GAREM1: variants seen among roughly 807,000 people sequenced by gnomAD.
GAREM1 encodes the protein GRB2 associated regulator of MAPK1 subtype 1.
Under a neutral mutation model 71.3 loss-of-function variants are expected in GAREM1, and 26 were observed. The observed-to-expected ratio is 0.36, with a 90% CI of 0.27 to 0.51. GAREM1 has a LOEUF of 0.51. Ranked by LOEUF, GAREM1 falls within the 20% of genes least tolerant of loss-of-function variation. The pLI is 0.95. For missense variants in GAREM1, 1,026 were observed against 1,103.1 expected, an observed-to-expected ratio of 0.93 and a Z score of 0.99; for synonymous variants, 440 against 433.2, an observed-to-expected ratio of 1.02 and a Z score of -0.20.
chr18:32,357,425 T>A (rs568643146), intron 2 of GAREM1, among the ~76,000 whole-genome samples: 2 of 152,230 alleles, frequency 1.3e-5, no homozygotes, highest in Non-Finnish European at 2.9e-5. Context: ...TTTATCTCAA[T>A]GTGCAAGTGC....
At chr18:32,284,923 G>T (rs1336563656) in intron 4 of GAREM1, among the ~76,000 whole-genome samples, 4 of 151,888 alleles carry the variant, frequency 2.6e-5, no homozygotes, top group Non-Finnish European at 4.4e-5. Flanking sequence ...CTAATTTGTT[G>T]TATTTTTAGT....
chr18:32,396,916 G>T (rs552858769), intron 1 of GAREM1, among the ~76,000 whole-genome samples: 15 of 152,268 alleles, frequency 9.9e-5, no homozygotes, highest in South Asian at 8.3e-4. Flanking sequence ...GAAAGGTCGG[G>T]TTATCCACAA....
intron 2 of GAREM1, among the ~76,000 whole-genome samples, chr18:32,366,134 C>A (rs1281080991): frequency 6.6e-6 from 1 of 152,136 alleles, no homozygotes; most frequent in African/African-American, 2.4e-5. Flanking sequence ...CCTCCCCTCA[C>A]TCCACCCTGC....
At chr18:32,399,470 A>G (rs1041990018) in intron 1 of GAREM1, among the ~76,000 whole-genome samples, 9 of 152,256 alleles carry the variant, frequency 5.9e-5, no homozygotes, top group Non-Finnish European at 1.2e-4. Flanking sequence ...CAACTTCAGC[A>G]AAGTCTCAGG....
chr18:32,437,316 C>T (rs2048689647), intron 1 of GAREM1, among the ~76,000 whole-genome samples: 1 of 152,190 alleles, frequency 6.6e-6, no homozygotes. Flanking sequence ...GGGATGGCAT[C>T]ATCTCAGGGC....
At chr18:32,396,854 T>A (rs2048262581) in intron 1 of GAREM1, among the ~76,000 whole-genome samples, 1 of 151,884 alleles carries the variant, frequency 6.6e-6, no homozygotes, top group African/African-American at 2.4e-5. Context: ...CACATAACTG[T>A]CAGATTCACC....
chr18:32,351,094 C>T (rs1380239595), intron 2 of GAREM1, among the ~76,000 whole-genome samples: 2 of 152,112 alleles, frequency 1.3e-5, no homozygotes, highest in Admixed American at 1.3e-4. Flanking sequence ...GTATGGTGTA[C>T]TGGTGTATTT....
chr18:32,426,665 C>A (rs1487939962), intron 1 of GAREM1, among the ~76,000 whole-genome samples: 1 of 152,180 alleles, frequency 6.6e-6, no homozygotes, highest in Admixed American at 6.5e-5. Flanking sequence ...ATTCAATCAA[C>A]TCCACCAATT....
At chr18:32,371,765 G>A (rs956719147) in intron 2 of GAREM1, among the ~76,000 whole-genome samples, 4 of 152,120 alleles carry the variant, frequency 2.6e-5, no homozygotes, top group Non-Finnish European at 5.9e-5. Flanking sequence ...AGAGCTCAGA[G>A]GAAAACTAGG....
At chr18:32,423,851 G>A (rs1568006071) in intron 1 of GAREM1, among the ~76,000 whole-genome samples, 1 of 152,072 alleles carries the variant, frequency 6.6e-6, no homozygotes, top group Non-Finnish European at 1.5e-5. Flanking sequence ...TTAAGAAATG[G>A]AGCTGGGCAT....
chr18:32,404,712 GATTT>G (rs1014005671), intron 1 of GAREM1, among the ~76,000 whole-genome samples: 31 of 152,286 alleles, frequency 2.0e-4, no homozygotes, highest in African/African-American at 7.5e-4. Context: ...TTATATGACA[GATTT>G]ATTTTTCTTT....
intron 1 of GAREM1, among the ~76,000 whole-genome samples, chr18:32,394,612 G>A (rs1386652230): frequency 2.0e-5 from 3 of 152,164 alleles, no homozygotes; most frequent in Non-Finnish European, 2.9e-5. Flanking sequence ...CACCTCTTGA[G>A]AGGATGTGGC....
intron 4 of GAREM1, among the ~76,000 whole-genome samples, chr18:32,277,274 T>C (rs949308683): frequency 6.6e-6 from 1 of 152,148 alleles, no homozygotes; most frequent in Non-Finnish European, 1.5e-5. Flanking sequence ...AAAAAAACTT[T>C]AAAGAAACTT....
intron 1 of GAREM1, among the ~76,000 whole-genome samples, chr18:32,436,732 C>T (rs16963365): frequency 0.09 from 13,247 of 147,074 alleles, 653 homozygotes; most frequent in African/African-American, 0.16. Context: ...ATTCTGATTA[C>T]GCAGTTTCAA....
chr18:32,430,791 A>G (rs2048616610), intron 1 of GAREM1, among the ~76,000 whole-genome samples: 2 of 152,226 alleles, frequency 1.3e-5, no homozygotes, highest in Non-Finnish European at 2.9e-5. Context: ...TGTGGTTCCA[A>G]GAGTATGGGG....
At chr18:32,297,091 C>T (rs921073819) in intron 3 of GAREM1, among the ~76,000 whole-genome samples, 13 of 152,296 alleles carry the variant, frequency 8.5e-5, no homozygotes, top group Middle Eastern at 3.4e-3. Context: ...GCTGTTTTCA[C>T]GCTATGATGG....
chr18:32,300,762 C>T lies in GAREM1; in HGVS notation c.393+9431G>A, dbSNP rs532552119. Among the ~76,000 whole-genome samples, 4 of 151,240 alleles carry T rather than the reference C, an allele frequency of 2.6e-5. No homozygotes were observed. The East Asian group carries it at 5.8e-4, about 22-fold the overall frequency. On this transcript the variant is annotated intron_variant, in intron 3 of 5. Transcript: ENST00000269209. ...TGTCTACTAAAAATACAAAATTAGC[C>T]AGGCATGGTGGTGCATGCCTGTAAT...
intron 1 of GAREM1, among the ~76,000 whole-genome samples, chr18:32,459,956 A>G (rs1350462309): frequency 6.6e-5 from 10 of 152,174 alleles, no homozygotes; most frequent in Non-Finnish European, 1.3e-4. Flanking sequence ...GTGCTTTCTA[A>G]TTACCTAACA....
chr18:32,468,861 A>AAC (rs1254741933), intron 1 of GAREM1, among the ~76,000 whole-genome samples: 1 of 151,994 alleles, frequency 6.6e-6, no homozygotes, highest in South Asian at 2.1e-4. Context: ...TGTGAATACA[A>AAC]ACACACACAC....
Sources: allele counts gnomAD v4.1 joint callset (sites outside exome capture counted in the v4.1 genomes callset), GRCh38; gene constraint gnomAD v4.1.1; transcripts MANE v1.5; gene names NCBI Gene and HGNC (gene_info 2026-07-23, HGNC 2026-07-21).